Variants in UBAP2 observed in about 807,000 individuals in gnomAD.
UBAP2 encodes ubiquitin associated protein 2, also known as ubiquitin-associated protein 2.
A neutral mutation model predicts 139.6 loss-of-function variants in UBAP2; 75 were observed. The observed-to-expected ratio is 0.54, with a 90% CI of 0.45 to 0.65. UBAP2 has a LOEUF of 0.65. UBAP2 is among the 30% of genes least tolerant of loss of function. The probability of loss-of-function intolerance (pLI) is 0.00; values close to 1 mark genes in which losing one functional copy is unlikely to be tolerated. For missense variants in UBAP2, 1,368 were observed against 1,369.6 expected, an observed-to-expected ratio of 1.00 and a Z score of 0.02; for synonymous variants, 526 against 526.2, an observed-to-expected ratio of 1.00 and a Z score of 0.01.
intron 2 of UBAP2, among the ~76,000 whole-genome samples, chr9:34,016,528 C>T (rs1217286319): frequency 6.6e-6 from 1 of 151,662 alleles, no homozygotes; most frequent in African/African-American, 2.4e-5. Flanking sequence ...CCTTACTATT[C>T]TTCATTACCT....
chr9:33,929,730 G>A (rs1051744267), intron 19 of UBAP2, among the ~76,000 whole-genome samples: 5 of 152,196 alleles, frequency 3.3e-5, no homozygotes, highest in African/African-American at 9.7e-5. Flanking sequence ...GGCCGGGCAC[G>A]GTGGCTCACG....
chr9:33,935,615 GA>G (rs1490082669), intron 17 of UBAP2: 2 of 598,448 alleles, frequency 3.3e-6, no homozygotes, highest in Non-Finnish European at 6.0e-6. Flanking sequence ...GGTGCAGTCT[GA>G]TTAGGGCAGA....
At chr9:33,942,122 GC>G (rs1825275021) in intron 15 of UBAP2, among the ~76,000 whole-genome samples, 1 of 151,588 alleles carries the variant, frequency 6.6e-6, no homozygotes, top group African/African-American at 2.4e-5. Flanking sequence ...GACCATCCTT[GC>G]CAACATGGTG....
At position 33,956,117 on chromosome 9, in the gene UBAP2, TGAG is replaced by T; in HGVS notation, c.825_827del (p.Ser277del). 1 of 1,613,804 alleles carries T rather than the reference TGAG, an allele frequency of 6.2e-7. No individual in the cohort carries two copies. Among genetic ancestry groups the T allele is most frequent in the Non-Finnish European group, 8.5e-7 (1 of 1,179,904 alleles). On this transcript the variant is annotated inframe_deletion, in exon 11 of 29. Coordinates refer to ENST00000379238, the MANE Select transcript of UBAP2 (RefSeq NM_001370062.2). ...AGATGTGATTCTCTGCTGGAGCAGATGAGGCAGTGAAGACCTTTGTTTCAGAAA... is the reference window on the plus strand; with the variant it reads ...AGATGTGATTCTCTGCTGGAGCAGATGCAGTGAAGACCTTTGTTTCAGAAA...
At chr9:33,975,307 CA>C (rs1207002059) in intron 6 of UBAP2, among the ~76,000 whole-genome samples, 2 of 151,636 alleles carry the variant, frequency 1.3e-5, no homozygotes, top group Non-Finnish European at 2.9e-5. Context: ...TGGCGCGCGC[CA>C]GTAGTCTCAG....
chr9:33,930,091 A>C lies in UBAP2; in HGVS notation c.2176-2099T>G, dbSNP rs1463915565. 3.3e-5 allele frequency among the ~76,000 whole-genome samples: 5 copies of C among 152,340 alleles called. No homozygotes were observed. The South Asian group carries it at 1.0e-3, about 32-fold the overall frequency. ...AATGGTTTTCAAATATATAAAAAAAAGGATGTACAACCTCATTAAAAACTA... is the reference window on the plus strand; with the variant it reads ...AATGGTTTTCAAATATATAAAAAAACGGATGTACAACCTCATTAAAAACTA... On this transcript the variant is annotated intron_variant, in intron 19 of 28. Transcript: ENST00000379238.
chr9:34,045,652 A>T (rs1402214411), intron 1 of UBAP2, among the ~76,000 whole-genome samples: 1 of 152,108 alleles, frequency 6.6e-6, no homozygotes, highest in African/African-American at 2.4e-5. Flanking sequence ...GATTACAGAC[A>T]TGAGCCACAG....
At chr9:33,948,303 C>CA in intron 13 of UBAP2, 71 bp downstream of exon 13, 1 of 1,362,750 alleles carries the variant, frequency 7.3e-7, no homozygotes, top group South Asian at 1.9e-5. Context: ...TTAGTCTTCA[C>CA]AAGTCAACAC....
intron 4 of UBAP2, among the ~76,000 whole-genome samples, chr9:33,990,847 G>C (rs958637553): frequency 6.6e-6 from 1 of 151,952 alleles, no homozygotes; most frequent in Admixed American, 6.6e-5. Flanking sequence ...ATGTTGGCCA[G>C]GGTGCTCTCG....
At chr9:33,991,901 A>C (rs12553803) in intron 4 of UBAP2, among the ~76,000 whole-genome samples, 91,369 of 152,002 alleles carry the variant, frequency 0.6, 27,857 homozygotes, top group East Asian at 0.81. Context: ...CTATCTTTAT[A>C]AAGGGGCCAG....
chr9:34,016,245 AGAGGAG>A (rs1554690786), intron 2 of UBAP2, among the ~76,000 whole-genome samples: 9 of 17,116 alleles, frequency 5.3e-4, no homozygotes, highest in South Asian at 2.5e-3. Context: ...AAGGGGAGGA[AGAGGAG>A]GAGGAGGAAG....
rs762639104 is a variant in UBAP2, at chr9:33,941,782, C to T, written c.1796G>A (p.Ser599Asn). Residue 599 changes from serine (S) to asparagine (N), a missense_variant, in exon 16 of 29, where the codon AGT becomes AAT. Transcript: ENST00000379238. ...TYTTSVITSC[S>N]LTSSSLNSAS... ...AGAATTCAGTGATGAGCTTGTCAGA[C>T]TGCAGGAGGTAATGACGGAAGTTGT... 2 of 1,614,042 alleles carry T rather than the reference C, an allele frequency of 1.2e-6. No homozygotes were observed. The highest frequency in any genetic ancestry group is 2.2e-5 in the South Asian group (2 of 91,084).
At chr9:33,924,580 C>T (rs1358954395) in intron 22 of UBAP2, among the ~76,000 whole-genome samples, 1 of 152,230 alleles carries the variant, frequency 6.6e-6, no homozygotes, top group Non-Finnish European at 1.5e-5. Flanking sequence ...GTGTGAATGC[C>T]TCGGGCTGAA....
chr9:33,981,064 CAT>C lies in UBAP2; in HGVS notation c.520+5694_520+5695del, dbSNP rs552165278. Among the ~76,000 whole-genome samples the C allele has an allele frequency of 7.2e-3, 38 of 5,278 alleles. 8 individuals are homozygous for C. The highest frequency in any genetic ancestry group is 0.018 in the African/African-American group (31 of 1,754). The allele number at this position is 5,278 out of a possible 152,430, so 3.5% of individuals were successfully genotyped here. ...AAAAATAATATGGGCTTATTTACTT[CAT>C]ATATATATATATATATATATATATA... On this transcript the variant is annotated intron_variant, in intron 6 of 28. Transcript: ENST00000379238.
At position 33,972,899 on chromosome 9, in the gene UBAP2, G is replaced by C. The variant is rs544707568; in HGVS notation, c.575+284C>G. On this transcript the variant is annotated intron_variant, in intron 7 of 28. Transcript: ENST00000379238. ...TGACATTTATTAATAGTACAGAGAA[G>C]AGAGATGTTGCTAAGCAACCTACAA... 2.6e-5 allele frequency among the ~76,000 whole-genome samples: 4 copies of C among 152,288 alleles called. No homozygotes were observed. The East Asian group carries it at 7.7e-4, about 29-fold the overall frequency.
chr9:33,981,078 T>C (rs1176612975), intron 6 of UBAP2, among the ~76,000 whole-genome samples: 1 of 21,398 alleles, frequency 4.7e-5, no homozygotes, highest in Non-Finnish European at 9.9e-5. Context: ...TATATATATA[T>C]ATATATATAT....
In UBAP2 at chr9:33,943,458, A is replaced by G; in HGVS notation, c.1677T>C (p.Ser559=). 2 of 1,614,242 alleles carry G rather than the reference A, an allele frequency of 1.2e-6. No homozygotes were observed. Among genetic ancestry groups the G allele is most frequent in the Non-Finnish European group, 1.7e-6 (2 of 1,180,038 alleles). Residue 559 remains serine, a synonymous_variant, in exon 15 of 29, where the codon AGT becomes AGC. Coordinates refer to ENST00000379238, the MANE Select transcript of UBAP2 (RefSeq NM_001370062.2). The part of the protein sequence containing the change: ...EFGSAPSSEN[S]NQIPISLYSK... ...AATACAAGCTGATGGGAATCTGATT[A>G]CTATTTTCACTGCTTGGAGCTGATC... is the stretch of plus-strand genomic sequence containing the variant.
intron 4 of UBAP2, among the ~76,000 whole-genome samples, chr9:33,992,778 AC>A (rs1403558566): frequency 1.3e-5 from 2 of 152,172 alleles, no homozygotes; most frequent in Non-Finnish European, 2.9e-5. Context: ...ACACATGCAT[AC>A]TTTAAAAAGT....
intron 6 of UBAP2, 82 bp from the exon 7 acceptor site, chr9:33,973,319 T>C: frequency 7.1e-7 from 1 of 1,414,908 alleles, no homozygotes; most frequent in Non-Finnish European, 1.0e-6. Context: ...CTATACTCAC[T>C]ACCCAGACAA....
Sources: allele counts gnomAD v4.1 joint callset (sites outside exome capture counted in the v4.1 genomes callset), GRCh38; gene constraint gnomAD v4.1.1; transcripts MANE v1.5; gene names NCBI Gene and HGNC (gene_info 2026-07-23, HGNC 2026-07-21).